The following XPA variants were observed in gnomAD, a reference collection of about 807,000 sequenced individuals.
XPA encodes XPA, DNA damage recognition and repair factor.
A neutral mutation model predicts 35.7 loss-of-function variants in XPA; 27 were observed. That is an observed-to-expected ratio of 0.76 (90% CI 0.56 to 1.04). The LOEUF is 1.04. Among genes scored for constraint, XPA ranks in the 50% least tolerant of loss-of-function variants. The pLI is 0.00. For missense variants in XPA, 354 were observed against 342.7 expected (o/e 1.03, Z -0.26); for synonymous variants, 133 against 118.4 (o/e 1.12, Z -0.80).
rs1828818754 is a variant in XPA at position 97,689,552 on chromosome 9, G to A, written c.371C>T (p.Pro124Leu). 1 of 1,610,614 alleles carries A rather than the reference G, an allele frequency of 6.2e-7. No homozygotes were observed. Among genetic ancestry groups the A allele is most frequent in the Non-Finnish European group, 8.5e-7 (1 of 1,177,130 alleles). ...DSYLMNHFDL[P>L]TCDNCRDADD... is the part of the protein sequence containing the mutation. ...TAAGTACCTGCAGTTATCACAAGTT[G>A]GCAAATCAAAGTGGTTCATAAGATA... The change falls in exon 3 of 6, where the codon CCA (proline) becomes CTA (leucine). Residue 124 changes from proline to leucine, a missense_variant. Coordinates refer to ENST00000375128, the MANE Select transcript of XPA (RefSeq NM_000380.4).
chr9:97,668,873 G>A, the XPA span: 1 of 1,613,640 alleles, frequency 6.2e-7, no homozygotes, highest in African/African-American at 1.3e-5. Context: ...CAGAAGCAGT[G>A]ACAGGAAAGA....
chr9:97,694,844 G>T (rs557327349), intron 1 of XPA, among the ~76,000 whole-genome samples: 135 of 152,086 alleles, frequency 8.9e-4, no homozygotes, highest in Non-Finnish European at 1.7e-3. Context: ...CCCCAAAGTG[G>T]AAACAACCCA....
intron 5 of XPA, among the ~76,000 whole-genome samples, chr9:97,684,413 C>T (rs187505991): frequency 2.6e-5 from 4 of 152,274 alleles, no homozygotes; most frequent in South Asian, 2.1e-4. Context: ...AGTCAAAAAA[C>T]CCTGCTTCCA....
chr9:97,662,099 A>G, the XPA span: 5 of 1,613,988 alleles, frequency 3.1e-6, no homozygotes, highest in Admixed American at 8.3e-5. Context: ...ACTCTGCTAC[A>G]CTTGGCAGCC....
chr9:97,663,108 G>C, the XPA span: 1 of 1,236,438 alleles, frequency 8.1e-7, no homozygotes. Flanking sequence ...AAATAAGGCC[G>C]TTAATTGCCA....
intron 3 of XPA, among the ~76,000 whole-genome samples, 167 bp from the exon 4 acceptor site, chr9:97,687,428 C>CT (rs1220656003): frequency 3.3e-5 from 5 of 152,142 alleles, no homozygotes; most frequent in African/African-American, 9.7e-5. Flanking sequence ...CAGAAAAATA[C>CT]TTTATCTTTT....
At chr9:97,664,273 G>A in the XPA span, 2 of 967,586 alleles carry the variant, frequency 2.1e-6, no homozygotes, top group Non-Finnish European at 1.6e-6. Context: ...TAGCAGCAGT[G>A]TGGTGGCACA....
chr9:97,679,236 T>A (rs1828463450), intron 5 of XPA, among the ~76,000 whole-genome samples: 1 of 152,208 alleles, frequency 6.6e-6, no homozygotes, highest in Admixed American at 6.5e-5. Flanking sequence ...CAACTTAGTC[T>A]TAAATGGTTC....
At chr9:97,670,946 C>T, downstream of XPA, 1 of 504,188 alleles carries the variant, frequency 2.0e-6, no homozygotes, top group Non-Finnish European at 3.6e-6. Context: ...TTTCAGGGGT[C>T]CATTGTTCCT....
chr9:97,675,149 A>T lies in XPA; in HGVS notation c.*290T>A. The stretch of plus-strand genomic sequence containing the variant: ...GGTTTGCCTTGGTATCTTGTCCTCA[A>T]ATTTGTAGCTGACCTACCACTTCTG... On this transcript the variant is annotated 3_prime_UTR_variant, in exon 6 of 6. Coordinates refer to ENST00000375128, the MANE Select transcript of XPA (RefSeq NM_000380.4). 1 of 571,260 alleles carries T rather than the reference A, an allele frequency of 1.8e-6. No homozygotes were observed. The highest frequency in any genetic ancestry group is 3.3e-6 in the Non-Finnish European group (1 of 302,406). The allele number at this position is 571,260 out of a possible 1,614,324, so 35.4% of individuals were successfully genotyped here. A position where few individuals can be genotyped will look rare whatever the true frequency, so the allele number is the denominator to read the frequency against.
rs1828336607 is a variant in XPA, at chr9:97,675,603, TAA to T, written c.674-18_674-17del. 6.2e-7 allele frequency: 1 copy of T among 1,613,812 alleles called. No homozygotes were observed. The highest frequency in any genetic ancestry group is 1.3e-5 in the African/African-American group (1 of 74,920). ...CGCCGCAATTCTGAAAAAAAAATTT[TAA>T]AGTCATCTTTTCAGTGGTGCTATTC... On this transcript the variant is annotated splice_polypyrimidine_tract_variant and intron_variant, in intron 5 of 5. Transcript: ENST00000375128.
intron 3 of XPA, among the ~76,000 whole-genome samples, chr9:97,688,785 G>A (rs907021755): frequency 6.6e-6 from 1 of 151,954 alleles, no homozygotes; most frequent in African/African-American, 2.4e-5. Context: ...CAATCATGAT[G>A]GCTCCCAATG....
intron 3 of XPA, among the ~76,000 whole-genome samples, chr9:97,687,685 T>C (rs1471360709): frequency 2.0e-5 from 3 of 151,926 alleles, no homozygotes; most frequent in Non-Finnish European, 4.4e-5. Context: ...TTGAGCAAAA[T>C]ACTATATGAA....
At chr9:97,680,403 T>G (rs1828501967) in intron 5 of XPA, among the ~76,000 whole-genome samples, 1 of 152,160 alleles carries the variant, frequency 6.6e-6, no homozygotes, top group Non-Finnish European at 1.5e-5. Context: ...GAGACAAGAT[T>G]TCACCATGTT....
At chr9:97,668,944 A>G in the XPA span, 7 of 1,612,560 alleles carry the variant, frequency 4.3e-6, no homozygotes, top group Non-Finnish European at 5.1e-6. Flanking sequence ...CTCAGAGTGA[A>G]CAAAAGAATC....
At chr9:97,669,199 C>T in the XPA span, among the ~76,000 whole-genome samples, 1 of 151,166 alleles carries the variant, frequency 6.6e-6, no homozygotes, top group Non-Finnish European at 1.5e-5. Context: ...AGCATTTCTC[C>T]ATGCTTGAAA....
chr9:97,685,105 C>A, intron 4 of XPA, 65 bp from the exon 5 acceptor site: 1 of 1,332,266 alleles, frequency 7.5e-7, no homozygotes, highest in East Asian at 2.3e-5. Flanking sequence ...ATAGTTATAA[C>A]TGTCAAATCC....
At chr9:97,676,841 C>G (rs1232710703) in intron 5 of XPA, among the ~76,000 whole-genome samples, 2 of 152,118 alleles carry the variant, frequency 1.3e-5, no homozygotes. Context: ...AGTTTTTGGT[C>G]TGGAAGAAAA....
chr9:97,660,174 A>C, the XPA span, among the ~76,000 whole-genome samples: 1 of 152,182 alleles, frequency 6.6e-6, no homozygotes, highest in Non-Finnish European at 1.5e-5. Flanking sequence ...GAAAAAGCTC[A>C]CAGCAGGTGT....
Sources: gnomAD v4.1 joint callset for allele counts (sites outside exome capture counted in the v4.1 genomes callset) on GRCh38, gnomAD v4.1.1 for gene constraint, MANE v1.5 for transcripts, NCBI Gene and HGNC (gene_info 2026-07-23, HGNC 2026-07-21) for gene names.